The following MEGF10 variants were observed in gnomAD, a reference collection of about 807,000 sequenced individuals.
MEGF10 encodes the protein multiple EGF like domains 10.
A neutral mutation model predicts 147.5 loss-of-function variants in MEGF10; 86 were observed. The ratio of observed to expected loss-of-function variants is 0.58; its 90% CI spans 0.49 to 0.70. The LOEUF (loss-of-function observed/expected upper bound fraction) is 0.70. MEGF10 is among the 30% of genes least tolerant of loss of function. MEGF10 has a pLI of 0.00. For synonymous variants in MEGF10, 478 were observed against 525.5 expected (o/e 0.91, Z 1.24); for missense variants, 1,329 against 1,487.3 (o/e 0.89, Z 1.75).
At chr5:127,399,757 A>G (rs1323516779) in intron 7 of MEGF10, among the ~76,000 whole-genome samples, 2 of 152,094 alleles carry the variant, frequency 1.3e-5, no homozygotes, top group Non-Finnish European at 2.9e-5. Context: ...CTTTCATACT[A>G]AAGATCCTTT....
Position 127,410,614 on chromosome 5 carries a change from T to A in MEGF10, c.1130+13T>A. The A allele has an allele frequency of 3.8e-6, 6 of 1,587,964 alleles. No individual in the cohort carries two copies. The highest frequency in any genetic ancestry group is 5.1e-6 in the Non-Finnish European group (6 of 1,169,946). The stretch of plus-strand genomic sequence containing the variant: ...AAAACACTCATAGGTGAGTGTCAGC[T>A]TCCCCTGGAAGGACGTGTCCTGTGA... On this transcript the variant is annotated intron_variant, in intron 9 of 24. Coordinates refer to ENST00000503335, the MANE Select transcript of MEGF10 (RefSeq NM_001256545.2).
chr5:127,438,605 CT>C lies in MEGF10; in HGVS notation c.2233+40del, dbSNP rs1276481244. 14 of 1,608,806 alleles carry C rather than the reference CT, an allele frequency of 8.7e-6. No homozygotes were observed. In the African/African-American group the frequency reaches 1.5e-4, roughly 17 times the overall value. On this transcript the variant is annotated intron_variant, in intron 17 of 24. Transcript: ENST00000503335. ...CCTTCTGAGGCTCACCAAGGGGAGC[CT>C]TGTCCAAGGAGGAAACAGCCTTACC...
At chr5:127,324,956 G>A (rs941500298) in intron 1 of MEGF10, among the ~76,000 whole-genome samples, 1 of 152,164 alleles carries the variant, frequency 6.6e-6, no homozygotes, top group African/African-American at 2.4e-5. Flanking sequence ...GATGCTGAGG[G>A]CTGGTCACAG....
chr5:127,275,566 A>T, the MEGF10 span, among the ~76,000 whole-genome samples: 1 of 151,820 alleles, frequency 6.6e-6, no homozygotes, highest in African/African-American at 2.4e-5. Flanking sequence ...TTTCTGCCTT[A>T]CTGCTGCCTT....
At chr5:127,442,071 AT>A (rs1765777283) in intron 18 of MEGF10, among the ~76,000 whole-genome samples, 1 of 152,208 alleles carries the variant, frequency 6.6e-6, no homozygotes, top group Non-Finnish European at 1.5e-5. Context: ...TTGTGTATAA[AT>A]GTCTAAATAT....
At chr5:127,403,193 A>G (rs1478800823) in intron 8 of MEGF10, among the ~76,000 whole-genome samples, 1 of 152,218 alleles carries the variant, frequency 6.6e-6, no homozygotes, top group South Asian at 2.1e-4. Context: ...GGCTGTGCTC[A>G]TGCGGGTCTT....
intron 12 of MEGF10, among the ~76,000 whole-genome samples, chr5:127,421,000 GTCTC>G (rs529821409): frequency 1.9e-3 from 289 of 152,246 alleles, no homozygotes; most frequent in Non-Finnish European, 3.4e-3. Flanking sequence ...CAATGCTCTT[GTCTC>G]TCTGGGCTTC....
rs563916961 is a variant in MEGF10 at position 127,446,634 on chromosome 5, G to A, written c.2729-923G>A. On this transcript the variant is annotated intron_variant, in intron 20 of 24. Transcript: ENST00000503335. Reference sequence around the variant, plus strand: ...TGCAAACCCAGGAGTTGCAGCCAGTGTAAAATGAAAGTGCAGTTCAGAGAA... The same window carrying A: ...TGCAAACCCAGGAGTTGCAGCCAGTATAAAATGAAAGTGCAGTTCAGAGAA... Among the ~76,000 whole-genome samples the A allele has an allele frequency of 1.8e-4, 28 of 152,312 alleles. No homozygotes were observed. In the East Asian group the frequency reaches 5.0e-3, roughly 27 times the overall value.
At chr5:127,299,366 T>G (rs1264636633) in intron 1 of MEGF10, among the ~76,000 whole-genome samples, 1 of 152,098 alleles carries the variant, frequency 6.6e-6, no homozygotes, top group Non-Finnish European at 1.5e-5. Flanking sequence ...ATGAGTGCCA[T>G]TAGAAAGTTA....
At chr5:127,252,604 T>A in the MEGF10 span, among the ~76,000 whole-genome samples, 6 of 151,506 alleles carry the variant, frequency 4.0e-5, no homozygotes, top group African/African-American at 1.5e-4. Flanking sequence ...TATGTGAGGG[T>A]GTAGGAAAAA....
chr5:127,369,306 C>A (rs1209794952), intron 4 of MEGF10, among the ~76,000 whole-genome samples: 1 of 152,094 alleles, frequency 6.6e-6, no homozygotes, highest in African/African-American at 2.4e-5. Flanking sequence ...GTTGAGTACA[C>A]CTAAGATCTT....
At chr5:127,337,066 T>C (rs922891903) in intron 2 of MEGF10, among the ~76,000 whole-genome samples, 3 of 152,114 alleles carry the variant, frequency 2.0e-5, no homozygotes, top group African/African-American at 7.2e-5. Flanking sequence ...GGCGCAAAAT[T>C]TGAGGACGGC....
chr5:127,238,857 C>G, the MEGF10 span, among the ~76,000 whole-genome samples: 1,384 of 152,204 alleles, frequency 9.1e-3, 31 homozygotes, highest in African/African-American at 0.032. Context: ...TTATATTTTG[C>G]AGTCCTTGTC....
intron 19 of MEGF10, 73 bp from the exon 20 acceptor site, chr5:127,445,384 G>A: frequency 1.7e-6 from 2 of 1,175,794 alleles, no homozygotes; most frequent in Non-Finnish European, 2.5e-6. Context: ...ACAGAAGGAG[G>A]TTTTTGTAAG....
chr5:127,247,232 A>T, the MEGF10 span, among the ~76,000 whole-genome samples: 1 of 146,462 alleles, frequency 6.8e-6, no homozygotes, highest in Admixed American at 7.1e-5. Flanking sequence ...GGAGAAAAAA[A>T]AACTCACAGA....
In MEGF10 at chr5:127,420,225, C is replaced by A; in HGVS notation, c.1590+18C>A. 6.2e-7 allele frequency: 1 copy of A among 1,610,282 alleles called. No homozygotes were observed. Among genetic ancestry groups the A allele is most frequent in the Non-Finnish European group, 8.5e-7 (1 of 1,177,968 alleles). ...CCTGCCAGGTATGCACAAATCAGCG[C>A]CCTGACGGAAAACGCCTATGAGGAA... is the stretch of plus-strand genomic sequence containing the variant. On this transcript the variant is annotated intron_variant, in intron 12 of 24. Transcript: ENST00000503335.
chr5:127,405,898 C>T (rs1299603121), intron 8 of MEGF10, among the ~76,000 whole-genome samples: 5 of 152,094 alleles, frequency 3.3e-5, no homozygotes, highest in Non-Finnish European at 5.9e-5. Flanking sequence ...GAATTATTGA[C>T]ATCCTTAGTA....
chr5:127,258,817 C>T, the MEGF10 span, among the ~76,000 whole-genome samples: 1 of 152,190 alleles, frequency 6.6e-6, no homozygotes, highest in African/African-American at 2.4e-5. Context: ...TTGCAGTTTA[C>T]AGGTCCTTGA....
chr5:127,245,058 C>A, the MEGF10 span, among the ~76,000 whole-genome samples: 1 of 152,082 alleles, frequency 6.6e-6, no homozygotes, highest in Non-Finnish European at 1.5e-5. Context: ...TCAATGCTAT[C>A]CCCATGAAGC....
Sources: allele counts gnomAD v4.1 joint callset (sites outside exome capture counted in the v4.1 genomes callset), GRCh38; gene constraint gnomAD v4.1.1; transcripts MANE v1.5; gene names NCBI Gene and HGNC (gene_info 2026-07-23, HGNC 2026-07-21).